The following RNFT2 variants were observed in gnomAD, a reference collection of about 807,000 sequenced individuals.
RNFT2 encodes the protein E3 ubiquitin-protein ligase RNFT2.
A neutral mutation model predicts 53.0 loss-of-function variants in RNFT2; 36 were observed. The ratio of observed to expected loss-of-function variants is 0.68; its 90% CI spans 0.52 to 0.90. RNFT2 has a LOEUF of 0.90. Among genes scored for constraint, RNFT2 ranks in the 40% least tolerant of loss-of-function variants. The probability of loss-of-function intolerance (pLI) is 0.00; values close to 1 mark genes in which losing one functional copy is unlikely to be tolerated. For missense variants in RNFT2, 514 were observed against 585.6 expected (o/e 0.88, Z 1.26); for synonymous variants, 260 against 253.2 (o/e 1.03, Z -0.26).
At position 116,851,364 on chromosome 12, in the gene RNFT2, C is replaced by G. The variant is rs1877917531; in HGVS notation, c.*1916C>G. The G allele has an allele frequency of 4.9e-6, 1 of 205,550 alleles. No individual in the cohort carries two copies. Among genetic ancestry groups the G allele is most frequent in the Non-Finnish European group, 9.9e-6 (1 of 100,724 alleles). The allele number at this position is 205,550 out of a possible 1,614,324, so 12.7% of individuals were successfully genotyped here. ...TACAGGCACACTCCGCTATCCCCAG[C>G]AGAGCCCGCACTCTTAACCTCCGCA... On this transcript the variant is annotated 3_prime_UTR_variant, in exon 11 of 11. Transcript: ENST00000257575.
intron 5 of RNFT2, among the ~76,000 whole-genome samples, chr12:116,763,529 G>A (rs1872774030): frequency 6.6e-6 from 1 of 152,008 alleles, no homozygotes. Context: ...AGCACTTTGG[G>A]AGGCTGAGGT....
intron 3 of RNFT2, among the ~76,000 whole-genome samples, chr12:116,749,426 C>T (rs1014181669): frequency 7.2e-5 from 11 of 151,968 alleles, no homozygotes; most frequent in Admixed American, 3.3e-4. Context: ...TACAGGCATG[C>T]GCCACCATGC....
rs1434400187 is a variant in RNFT2, at chr12:116,850,926, C to T, written c.*1478C>T. 1 of 152,248 alleles carries T rather than the reference C, an allele frequency of 6.6e-6. No individual in the cohort carries two copies. Among genetic ancestry groups the T allele is most frequent in the Non-Finnish European group, 1.5e-5 (1 of 68,084 alleles). The allele number at this position is 152,248 out of a possible 1,614,324, so 9.4% of individuals were successfully genotyped here. ...GGGATTACAGGCATGAGCCACCACA[C>T]CTGGCCCAAAGTATTTTCAAAATAC... On this transcript the variant is annotated 3_prime_UTR_variant, in exon 11 of 11. Coordinates refer to ENST00000257575, the MANE Select transcript of RNFT2 (RefSeq NM_001382266.1).
At chr12:116,824,033 C>G (rs1876195739) in intron 7 of RNFT2, among the ~76,000 whole-genome samples, 1 of 152,132 alleles carries the variant, frequency 6.6e-6, no homozygotes, top group African/African-American at 2.4e-5. Context: ...ATTGTGCTTG[C>G]TCAGAATCCA....
chr12:116,852,074 C>A lies in RNFT2; in HGVS notation c.*2626C>A. The A allele has an allele frequency of 9.1e-7, 1 of 1,100,048 alleles. No individual in the cohort carries two copies. 68.1% of individuals were successfully genotyped at this position (1,100,048 alleles called of 1,614,324 possible). A position where few individuals can be genotyped will look rare whatever the true frequency, so the allele number is the denominator to read the frequency against. ...GCCACTTCTCCACCTCTGAAATGTTCCCTGCTCTGAAATCTGGCATGAGAT... is the reference window on the plus strand; with the variant it reads ...GCCACTTCTCCACCTCTGAAATGTTACCTGCTCTGAAATCTGGCATGAGAT... On this transcript the variant is annotated 3_prime_UTR_variant, in exon 11 of 11. Transcript: ENST00000257575.
chr12:116,755,302 T>C, intron 5 of RNFT2: 1 of 661,126 alleles, frequency 1.5e-6, no homozygotes, highest in Non-Finnish European at 2.7e-6. Flanking sequence ...TTTTGGTTTA[T>C]TTCTGGGTTC....
At chr12:116,753,222 T>C (rs1310451485) in intron 4 of RNFT2, among the ~76,000 whole-genome samples, 3 of 133,420 alleles carry the variant, frequency 2.2e-5, no homozygotes, top group Non-Finnish European at 4.6e-5. Context: ...GTGATCTCAA[T>C]TCACTGCAGC....
chr12:116,762,813 C>T (rs558917568), intron 5 of RNFT2, among the ~76,000 whole-genome samples: 43 of 152,034 alleles, frequency 2.8e-4, no homozygotes, highest in Non-Finnish European at 5.3e-4. Context: ...GGTTTCACCA[C>T]GTTGGCCAGG....
At chr12:116,821,007 T>C (rs1247821493) in intron 7 of RNFT2, among the ~76,000 whole-genome samples, 1 of 152,132 alleles carries the variant, frequency 6.6e-6, no homozygotes, top group Non-Finnish European at 1.5e-5. Flanking sequence ...CTTTCTCATC[T>C]AAGAAATGGG....
At chr12:116,841,782 T>TATATATATATAAATATATATATAA (rs1250788546) in intron 10 of RNFT2, among the ~76,000 whole-genome samples, 6 of 97,002 alleles carry the variant, frequency 6.2e-5, no homozygotes, top group African/African-American at 1.3e-4. Flanking sequence ...TATATATAAA[T>TATATATATATAAATATATATATAA]ATATATATAT....
At chr12:116,762,680 G>A (rs1006012082) in intron 5 of RNFT2, among the ~76,000 whole-genome samples, 11 of 151,400 alleles carry the variant, frequency 7.3e-5, no homozygotes, top group South Asian at 6.3e-4. Flanking sequence ...CCCAAGTAGC[G>A]AGATTACAGG....
At chr12:116,743,237 A>AC (rs1871719078) in intron 3 of RNFT2, among the ~76,000 whole-genome samples, 1 of 113,132 alleles carries the variant, frequency 8.8e-6, no homozygotes, top group African/African-American at 3.1e-5. Context: ...AAAAAAAAAA[A>AC]AAAAAAACCG....
intron 4 of RNFT2, among the ~76,000 whole-genome samples, chr12:116,753,582 C>T (rs1872355919): frequency 6.6e-6 from 1 of 152,180 alleles, no homozygotes; most frequent in Non-Finnish European, 1.5e-5. Flanking sequence ...AGCTTTATCC[C>T]TCTATGAGGT....
intron 5 of RNFT2, among the ~76,000 whole-genome samples, chr12:116,759,035 G>A (rs553361248): frequency 1.3e-5 from 2 of 152,120 alleles, no homozygotes; most frequent in East Asian, 3.9e-4. Context: ...CAGACTTCTT[G>A]GAGGCTTTGT....
chr12:116,846,269 T>G (rs1488792555), intron 10 of RNFT2, among the ~76,000 whole-genome samples: 1 of 150,668 alleles, frequency 6.6e-6, no homozygotes, highest in African/African-American at 2.5e-5. Context: ...GTGCCTTCTT[T>G]TTTATATTAT....
chr12:116,788,826 A>AGATG (rs10579272), intron 7 of RNFT2, among the ~76,000 whole-genome samples: 7 of 149,952 alleles, frequency 4.7e-5, no homozygotes, highest in Admixed American at 6.6e-5. Flanking sequence ...ATGGATGGAT[A>AGATG]GATGGATGGA....
In RNFT2 at chr12:116,821,156, C is replaced by T. The variant is rs567530784; in HGVS notation, c.883-12636C>T. 2.0e-5 allele frequency among the ~76,000 whole-genome samples: 3 copies of T among 152,228 alleles called. No individual in the cohort carries two copies. In the East Asian group the frequency reaches 5.8e-4, roughly 29 times the overall value. On this transcript the variant is annotated intron_variant, in intron 7 of 10. Coordinates refer to ENST00000257575, the MANE Select transcript of RNFT2 (RefSeq NM_001382266.1). ...TCCTGGGTGTTCTTTCTCTTCTGGC[C>T]TCTAACTCTGCCATTTCTCTCTTCC...
At chr12:116,801,871 G>T (rs1200479802) in intron 7 of RNFT2, among the ~76,000 whole-genome samples, 2 of 152,184 alleles carry the variant, frequency 1.3e-5, no homozygotes, top group East Asian at 3.9e-4. Flanking sequence ...GCCCAGGCTG[G>T]AGTGCAGTGG....
At chr12:116,821,008 A>G (rs890030530) in intron 7 of RNFT2, among the ~76,000 whole-genome samples, 1 of 151,900 alleles carries the variant, frequency 6.6e-6, no homozygotes, top group African/African-American at 2.4e-5. Flanking sequence ...TTTCTCATCT[A>G]AGAAATGGGA....
Sources: gnomAD v4.1 joint callset for allele counts (sites outside exome capture counted in the v4.1 genomes callset) on GRCh38, gnomAD v4.1.1 for gene constraint, MANE v1.5 for transcripts, NCBI Gene and HGNC (gene_info 2026-07-23, HGNC 2026-07-21) for gene names.